The following MYO16 variants were observed in gnomAD, a reference collection of about 807,000 sequenced individuals.
The protein encoded by MYO16 is unconventional myosin-XVI.
In MYO16, 94 loss-of-function variants were observed where a neutral mutation model predicts 205.3. The observed-to-expected ratio is 0.46, with a 90% CI of 0.39 to 0.54. MYO16 has a LOEUF of 0.54. MYO16 is among the 20% of genes least tolerant of loss of function. The pLI is 0.00. For synonymous variants in MYO16, 988 were observed against 954.0 expected, an observed-to-expected ratio of 1.04 and a Z score of -0.66; for missense variants, 2,315 against 2,387.5, an observed-to-expected ratio of 0.97 and a Z score of 0.63.
intron 4 of MYO16, among the ~76,000 whole-genome samples, chr13:108,741,577 C>G (rs887910124): frequency 6.6e-6 from 1 of 152,104 alleles, no homozygotes; most frequent in African/African-American, 2.4e-5. Context: ...TGAATGTGAA[C>G]CCTGGTTGAA....
intron 1 of MYO16, among the ~76,000 whole-genome samples, chr13:108,634,784 C>A (rs1478997805): frequency 6.6e-6 from 1 of 152,206 alleles, no homozygotes; most frequent in Non-Finnish European, 1.5e-5. Context: ...TTTTCCTCCA[C>A]CCCAGTTGCT....
intron 12 of MYO16, among the ~76,000 whole-genome samples, chr13:108,879,484 G>C (rs560408244): frequency 6.6e-6 from 1 of 151,942 alleles, no homozygotes; most frequent in African/African-American, 2.4e-5. Context: ...TTTACATTAG[G>C]TATATCTCCT....
At chr13:109,048,364 C>G in intron 24 of MYO16, 1 of 755,686 alleles carries the variant, frequency 1.3e-6, no homozygotes, top group Non-Finnish European at 2.5e-6. Flanking sequence ...AGCAAAAGGA[C>G]AGAATTTACA....
chr13:109,108,158 C>T (rs1889177554), intron 28 of MYO16, among the ~76,000 whole-genome samples: 1 of 152,070 alleles, frequency 6.6e-6, no homozygotes, highest in Non-Finnish European at 1.5e-5. Flanking sequence ...GGTGTCATGT[C>T]GCCGTGTTCT....
chr13:108,837,978 T>G (rs1294635429), intron 9 of MYO16, among the ~76,000 whole-genome samples: 2 of 152,094 alleles, frequency 1.3e-5, no homozygotes, highest in African/African-American at 4.8e-5. Flanking sequence ...CTGTCTTTAG[T>G]TTATAAAACT....
intron 2 of MYO16, among the ~76,000 whole-genome samples, chr13:108,694,479 C>T (rs1883015546): frequency 6.6e-6 from 1 of 152,116 alleles, no homozygotes; most frequent in African/African-American, 2.4e-5. Context: ...TTATAATCAT[C>T]CCATTTCCCA....
chr13:108,789,556 A>T (rs9587687), intron 5 of MYO16, among the ~76,000 whole-genome samples: 82 of 152,080 alleles, frequency 5.4e-4, no homozygotes, highest in Admixed American at 4.2e-3. Context: ...GCATGACTAC[A>T]TAAGATGGTC....
chr13:109,200,121 T>C (rs1456270140), intron 34 of MYO16, among the ~76,000 whole-genome samples: 5 of 152,214 alleles, frequency 3.3e-5, no homozygotes, highest in Non-Finnish European at 7.3e-5. Flanking sequence ...TTCTATTTCT[T>C]GGCTCACAGA....
At chr13:108,839,376 T>C (rs1877112771) in intron 9 of MYO16, among the ~76,000 whole-genome samples, 1 of 152,180 alleles carries the variant, frequency 6.6e-6, no homozygotes, top group Non-Finnish European at 1.5e-5. Flanking sequence ...CAGATCTGGC[T>C]ATGAAATTTT....
chr13:108,767,382 A>G (rs1885815752), intron 4 of MYO16, among the ~76,000 whole-genome samples: 1 of 152,188 alleles, frequency 6.6e-6, no homozygotes, highest in Non-Finnish European at 1.5e-5. Flanking sequence ...GATTACAGGC[A>G]TGAGCCACTG....
At chr13:108,675,419 T>C (rs896900275) in intron 2 of MYO16, among the ~76,000 whole-genome samples, 3 of 152,332 alleles carry the variant, frequency 2.0e-5, no homozygotes, top group Middle Eastern at 3.4e-3. Context: ...GCAAATTAAT[T>C]GCATTTAAAT....
At chr13:108,922,066 G>A (rs1337670257) in intron 16 of MYO16, among the ~76,000 whole-genome samples, 9 of 152,306 alleles carry the variant, frequency 5.9e-5, no homozygotes, top group East Asian at 1.9e-4. Flanking sequence ...TGCTCCTAGC[G>A]TACGTCTCTG....
intron 4 of MYO16, chr13:108,779,698 G>C (rs952058230): frequency 6.6e-6 from 1 of 152,096 alleles, no homozygotes; most frequent in Non-Finnish European, 1.5e-5. Context: ...AGGGAAACTC[G>C]CCCAGGGACG....
chr13:108,830,359 C>A (rs1415864790), intron 9 of MYO16, among the ~76,000 whole-genome samples: 1 of 143,106 alleles, frequency 7.0e-6, no homozygotes, highest in East Asian at 2.0e-4. Context: ...TGGAACCAAC[C>A]CAAATGTCCA....
At chr13:108,906,272 G>C (rs768239718) in intron 15 of MYO16, among the ~76,000 whole-genome samples, 1 of 152,168 alleles carries the variant, frequency 6.6e-6, no homozygotes, top group Non-Finnish European at 1.5e-5. Context: ...GCCTTTTGAT[G>C]TTTGTGCCCT....
intron 3 of MYO16, among the ~76,000 whole-genome samples, chr13:108,714,670 G>A (rs1053949976): frequency 6.6e-6 from 1 of 151,858 alleles, no homozygotes; most frequent in African/African-American, 2.4e-5. Context: ...TCAAAATTAA[G>A]TTCCTATCTT....
intron 16 of MYO16, among the ~76,000 whole-genome samples, chr13:108,939,987 T>C (rs986543903): frequency 1.3e-5 from 2 of 152,190 alleles, no homozygotes; most frequent in Non-Finnish European, 2.9e-5. Flanking sequence ...AAATATTTCT[T>C]GGTAAACAGA....
At chr13:108,573,388 T>A in the MYO16 span, among the ~76,000 whole-genome samples, 1 of 152,224 alleles carries the variant, frequency 6.6e-6, no homozygotes, top group Non-Finnish European at 1.5e-5. Context: ...TTTAAAAATG[T>A]AGGACTTTTA....
At chr13:109,099,453 TG>T (rs1247622111) in intron 27 of MYO16, among the ~76,000 whole-genome samples, 1 of 152,184 alleles carries the variant, frequency 6.6e-6, no homozygotes, top group African/African-American at 2.4e-5. Context: ...ACATTTACAC[TG>T]ACCTAATAGG....
Sources: gnomAD v4.1 joint callset for allele counts (sites outside exome capture counted in the v4.1 genomes callset) on GRCh38, gnomAD v4.1.1 for gene constraint, MANE v1.5 for transcripts, NCBI Gene and HGNC (gene_info 2026-07-23, HGNC 2026-07-21) for gene names.